PYGL: variants seen among roughly 807,000 people sequenced by gnomAD.
PYGL encodes glycogen phosphorylase, liver form.
Under a neutral mutation model 100.1 loss-of-function variants are expected in PYGL, and 90 were observed. The ratio of observed to expected loss-of-function variants is 0.90; its 90% CI spans 0.76 to 1.07. The LOEUF is 1.07. PYGL is among the 50% of genes least tolerant of loss of function. The pLI is 0.00. For missense variants in PYGL, 1,016 were observed against 1,057.6 expected (o/e 0.96, Z 0.55); for synonymous variants, 373 against 393.0 (o/e 0.95, Z 0.60).
intron 19 of PYGL, 121 bp from the exon 20 acceptor site, chr14:50,905,677 T>C: frequency 1.0e-6 from 1 of 974,638 alleles, no homozygotes; most frequent in Admixed American, 1.9e-5. Context: ...TAAATTATAG[T>C]AAATTACAAA....
chr14:50,915,991 C>T lies in PYGL; in HGVS notation c.1093-20G>A, dbSNP rs1348815557. ...CCATGCCTGGGGGAAAGGAAGGAGT[C>T]AGCTGCTTGCCCTGAAGGTGGGCAC... is the stretch of plus-strand genomic sequence containing the variant. On this transcript the variant is annotated intron_variant, in intron 9 of 19. Coordinates refer to ENST00000216392, the MANE Select transcript of PYGL (RefSeq NM_002863.5). 3.1e-6 allele frequency: 5 copies of T among 1,613,550 alleles called. No homozygotes were observed. Among genetic ancestry groups the T allele is most frequent in the Non-Finnish European group, 2.5e-6 (3 of 1,179,968 alleles).
chr14:50,933,267 A>T (rs528336958), intron 3 of PYGL, among the ~76,000 whole-genome samples: 9 of 152,354 alleles, frequency 5.9e-5, no homozygotes, highest in Non-Finnish European at 8.8e-5. Context: ...CTGCAGCCCC[A>T]TAGAAAGCCT....
At chr14:50,934,122 G>T (rs117787218) in intron 3 of PYGL, among the ~76,000 whole-genome samples, 1 of 152,018 alleles carries the variant, frequency 6.6e-6, no homozygotes, top group Non-Finnish European at 1.5e-5. Flanking sequence ...TAATGGAGCT[G>T]GTATTGTATT....
At chr14:50,908,800 C>A (rs751985328) in intron 18 of PYGL, 21 bp downstream of exon 18, 1 of 1,543,756 alleles carries the variant, frequency 6.5e-7, no homozygotes, top group Non-Finnish European at 9.0e-7. Context: ...CAAATAGCAC[C>A]ATCTTCTTAT....
intron 5 of PYGL, chr14:50,921,342 C>T: frequency 4.6e-6 from 2 of 434,880 alleles, no homozygotes; most frequent in South Asian, 2.9e-5. Context: ...TGCCCTTGCC[C>T]TGATATAAAT....
rs755763202 is a variant in PYGL, at chr14:50,908,842, T to C, written c.2291A>G (p.Asn764Ser). Reference sequence around the variant, plus strand: ...TCACCTGTCATGATAAAATAGCATGTTGATGATATCTTTGAAGAGGTCAGG... The same window carrying C: ...TCACCTGTCATGATAAAATAGCATGCTGATGATATCTTTGAAGAGGTCAGG... ...KQPDLFKDII[N>S]MLFYHDRFKV... The change falls in exon 18 of 20, where the codon AAC (asparagine) becomes AGC (serine). Residue 764 changes from asparagine to serine, a missense_variant. Transcript: ENST00000216392. 6.4e-7 allele frequency: 1 copy of C among 1,567,488 alleles called. No homozygotes were observed. The highest frequency in any genetic ancestry group is 1.1e-5 in the South Asian group (1 of 90,122).
At position 50,944,176 on chromosome 14, in the gene PYGL, G is replaced by T. The variant is rs1442265170; in HGVS notation, c.228C>A (p.Tyr76Ter). 1.2e-6 allele frequency: 2 copies of T among 1,607,440 alleles called. No homozygotes were observed. ...CCCCGGTTACCTTGGGGCACTTGTCGTAGTAGTGCTGCTGCGTGCGGATCC... is the reference window on the plus strand; with the variant it reads ...CCCCGGTTACCTTGGGGCACTTGTCTTAGTAGTGCTGCTGCGTGCGGATCC... ...GRWIRTQQHYYDKCPKRVYYL... is the reference protein window; with the variant it reads ...GRWIRTQQHY Residue 76 changes from tyrosine (Y) to a stop codon, truncating the protein, a stop_gained, in exon 1 of 20, where the codon TAC becomes TAA. Coordinates refer to ENST00000216392, the MANE Select transcript of PYGL (RefSeq NM_002863.5). LOFTEE classifies it high-confidence loss of function.
chr14:50,915,418 T>A lies in PYGL; in HGVS notation c.1321A>T (p.Asn441Tyr). ...LIEEEGSKRI[N>Y]MAHLCIVGSH... ...CCGACAATGCAGAGATGGGCCATGT[T>A]GATCCTTTTGCTTCCTTCCTCTTCT... The change falls in exon 11 of 20, where the codon AAC (asparagine) becomes TAC (tyrosine). Residue 441 changes from asparagine to tyrosine, a missense_variant. Coordinates refer to ENST00000216392, the MANE Select transcript of PYGL (RefSeq NM_002863.5). The A allele has an allele frequency of 6.2e-7, 1 of 1,614,222 alleles. No homozygotes were observed. The highest frequency in any genetic ancestry group is 8.5e-7 in the Non-Finnish European group (1 of 1,180,024).
rs138416800 is a variant in PYGL at position 50,915,036 on chromosome 14, A to G, written c.1404-221T>C. ...AAAAATTCCAAATCTAGTCACTTCC[A>G]TCTGACTTCTTCACACTGACATATA... On this transcript the variant is annotated intron_variant, in intron 11 of 19. Coordinates refer to ENST00000216392, the MANE Select transcript of PYGL (RefSeq NM_002863.5). Among the ~76,000 whole-genome samples, 349 of 152,346 alleles carry G rather than the reference A, an allele frequency of 2.3e-3. 3 individuals are homozygous for G. The highest frequency in any genetic ancestry group is 7.9e-3 in the African/African-American group (329 of 41,582).
At chr14:50,932,503 G>A (rs2050610903) in intron 3 of PYGL, among the ~76,000 whole-genome samples, 2 of 152,184 alleles carry the variant, frequency 1.3e-5, no homozygotes, top group South Asian at 4.1e-4. Flanking sequence ...TTTTTTCCAT[G>A]AGGGGAAAGA....
intron 4 of PYGL, 49 bp downstream of exon 4, chr14:50,931,624 T>C (rs546668169): frequency 7.4e-6 from 11 of 1,483,038 alleles, no homozygotes; most frequent in Non-Finnish European, 1.0e-5. Flanking sequence ...CAGAGCACCA[T>C]GAAAGAGAAG....
chr14:50,938,095 G>A (rs2050671900), intron 1 of PYGL, among the ~76,000 whole-genome samples: 1 of 152,202 alleles, frequency 6.6e-6, no homozygotes, highest in African/African-American at 2.4e-5. Context: ...GGATGAAATA[G>A]GAGGTCTGCA....
At position 50,921,016 on chromosome 14, in the gene PYGL, T is replaced by A. The variant is rs756907396; in HGVS notation, c.712A>T (p.Thr238Ser). The A allele has an allele frequency of 1.2e-6, 2 of 1,614,070 alleles. No homozygotes were observed. Among genetic ancestry groups the A allele is most frequent in the Admixed American group, 3.3e-5 (2 of 60,004 alleles). Reference sequence around the variant, plus strand: ...GACCAGAGGCGCATGGTGTTGACAGTGTTATTCATGTAGCCGGGCACGGGG... The same window carrying A: ...GACCAGAGGCGCATGGTGTTGACAGAGTTATTCATGTAGCCGGGCACGGGG... ...DTPVPGYMNN[T>S]VNTMRLWSAR... Residue 238 changes from threonine to serine, a missense_variant, in exon 6 of 20, where the codon ACT becomes TCT. Physicochemically the swap from Thr to Ser is moderately conservative, Grantham distance 58. Transcript: ENST00000216392.
At chr14:50,924,986 C>T (rs2050534182) in intron 4 of PYGL, among the ~76,000 whole-genome samples, 1 of 152,158 alleles carries the variant, frequency 6.6e-6, no homozygotes, top group African/African-American at 2.4e-5. Context: ...ATGACACATA[C>T]AGTTGTGGAT....
At chr14:50,927,384 A>C (rs1201049534) in intron 4 of PYGL, among the ~76,000 whole-genome samples, 1 of 151,862 alleles carries the variant, frequency 6.6e-6, no homozygotes. Flanking sequence ...GCCACCACAC[A>C]CAACTAATTT....
chr14:50,925,459 C>A (rs1158155604), intron 4 of PYGL, among the ~76,000 whole-genome samples: 1 of 152,078 alleles, frequency 6.6e-6, no homozygotes, highest in African/African-American at 2.4e-5. Flanking sequence ...CTATTTGATA[C>A]CTCATATTCA....
intron 2 of PYGL, 47 bp from the exon 3 acceptor site, chr14:50,935,232 C>T (rs1212365925): frequency 2.7e-6 from 4 of 1,480,564 alleles, no homozygotes; most frequent in South Asian, 1.1e-5. Flanking sequence ...AAAATTCAGG[C>T]CATTCAGAGG....
rs191318538 is a variant in PYGL at position 50,912,175 on chromosome 14, A to T, written c.1749T>A (p.His583Gln). The T allele has an allele frequency of 2.5e-6, 4 of 1,614,228 alleles. No homozygotes were observed. Among genetic ancestry groups the T allele is most frequent in the Non-Finnish European group, 2.5e-6 (3 of 1,180,046 alleles). Residue 583 changes from histidine (H) to glutamine (Q), a missense_variant, in exon 14 of 20, where the codon CAT (histidine) becomes CAA (glutamine). By Grantham distance (24) the His-to-Gln change is conservative (BLOSUM62 0). Transcript: ENST00000216392. ...ACTCACGGTTGTACATCGTGATCAC[A>T]TGCAGACAGTTCAAGAGCTGTCGCT... Reference protein sequence around the residue: ...EYKRQLLNCLHVITMYNRIKK... With the variant: ...EYKRQLLNCLQVITMYNRIKK...
intron 4 of PYGL, among the ~76,000 whole-genome samples, chr14:50,929,205 A>G (rs1259327663): frequency 6.6e-6 from 1 of 151,834 alleles, no homozygotes; most frequent in African/African-American, 2.4e-5. Flanking sequence ...ACGCGCCACT[A>G]TCTCCTGGCC....
Sources: allele counts gnomAD v4.1 joint callset (sites outside exome capture counted in the v4.1 genomes callset), GRCh38; gene constraint gnomAD v4.1.1; transcripts MANE v1.5; gene names NCBI Gene and HGNC (gene_info 2026-07-23, HGNC 2026-07-21).